CD47: variants seen among roughly 807,000 people sequenced by gnomAD.
CD47 encodes leukocyte surface antigen CD47.
CD47 carries 11 observed loss-of-function variants against 44.6 expected under a neutral mutation model. The observed-to-expected ratio is 0.25, with a 90% confidence interval of 0.16 to 0.41. CD47 has a LOEUF of 0.41. Ranked by LOEUF, CD47 falls within the 10% of genes least tolerant of loss-of-function variation. CD47 has a pLI of 1.00. For synonymous variants in CD47, 140 were observed against 136.3 expected (o/e 1.03, Z -0.19); for missense variants, 306 against 386.7 (o/e 0.79, Z 1.75).
At chr3:108,050,903 G>A in intron 8 of CD47, 1 of 382,838 alleles carries the variant, frequency 2.6e-6, no homozygotes, top group Non-Finnish European at 5.1e-6. Flanking sequence ...GAAAGTGCAA[G>A]CATAAATAGC....
chr3:108,071,952 G>C (rs986643171), intron 2 of CD47, among the ~76,000 whole-genome samples: 4 of 152,196 alleles, frequency 2.6e-5, no homozygotes, highest in Admixed American at 2.0e-4. Flanking sequence ...AGTAAGATGA[G>C]TGGCTTTAGG....
intron 7 of CD47, 67 bp from the exon 8 acceptor site, chr3:108,052,037 T>C (rs988526126): frequency 2.7e-5 from 21 of 784,586 alleles, no homozygotes; most frequent in Non-Finnish European, 4.4e-5. Flanking sequence ...TTGGTAATGT[T>C]TAATTTTAAG....
intron 3 of CD47, among the ~76,000 whole-genome samples, chr3:108,065,877 T>C (rs960999255): frequency 6.8e-6 from 1 of 147,918 alleles, no homozygotes; most frequent in Non-Finnish European, 1.5e-5. Flanking sequence ...CAAAGTCTTA[T>C]TACCAGGGGC....
intron 3 of CD47, among the ~76,000 whole-genome samples, 180 bp downstream of exon 3, chr3:108,070,913 T>G (rs1009342254): frequency 1.3e-5 from 2 of 152,166 alleles, no homozygotes; most frequent in Admixed American, 6.5e-5. Flanking sequence ...AAAAGTGAAC[T>G]GCAGCAAAAT....
intron 1 of CD47, among the ~76,000 whole-genome samples, chr3:108,085,272 G>A (rs987883984): frequency 6.6e-6 from 1 of 152,068 alleles, no homozygotes; most frequent in Non-Finnish European, 1.5e-5. Flanking sequence ...GTGTATAATA[G>A]TTAAGTGCAC....
Position 108,045,629 on chromosome 3 carries a change from T to C in CD47, c.*1659A>G, listed in dbSNP as rs1350523518. Reference sequence around the variant, plus strand: ...CTGAGAGGCCTCAGCAGGTCATAAATTTAGGTTTGCCATGGGCAAACTACT... The same window carrying C: ...CTGAGAGGCCTCAGCAGGTCATAAACTTAGGTTTGCCATGGGCAAACTACT... On this transcript the variant is annotated 3_prime_UTR_variant, in exon 11 of 11. Transcript: ENST00000361309. 1 of 152,534 alleles carries C rather than the reference T, an allele frequency of 6.6e-6. No homozygotes were observed. Among genetic ancestry groups the C allele is most frequent in the African/African-American group, 2.4e-5 (1 of 41,402 alleles). The allele number at this position is 152,534 out of a possible 1,614,324, so 9.4% of individuals were successfully genotyped here.
intron 5 of CD47, 102 bp downstream of exon 5, chr3:108,059,350 T>A: frequency 1.9e-6 from 1 of 530,872 alleles, no homozygotes; most frequent in Non-Finnish European, 3.4e-6. Flanking sequence ...ATAAACCTAC[T>A]CTTATTGAGT....
intron 2 of CD47, among the ~76,000 whole-genome samples, chr3:108,074,425 T>A (rs538944961): frequency 1.8e-3 from 278 of 152,232 alleles, no homozygotes; most frequent in Middle Eastern, 3.4e-3. Flanking sequence ...GCAATTCTCC[T>A]GTCTCAGCCT....
At chr3:108,060,649 C>T in intron 4 of CD47, 96 bp downstream of exon 4, 1 of 773,122 alleles carries the variant, frequency 1.3e-6, no homozygotes, top group Middle Eastern at 2.3e-4. Flanking sequence ...TTGTGGTCAT[C>T]TGTTCCAACA....
chr3:108,059,614 G>T, intron 4 of CD47, 70 bp from the exon 5 acceptor site: 2 of 714,358 alleles, frequency 2.8e-6, no homozygotes, highest in Non-Finnish European at 4.3e-6. Flanking sequence ...TAAATTCTGT[G>T]CTTGACAACT....
chr3:108,089,468 T>A (rs1327438082), intron 1 of CD47, among the ~76,000 whole-genome samples: 3 of 152,338 alleles, frequency 2.0e-5, no homozygotes, highest in African/African-American at 7.2e-5. Flanking sequence ...TTTAGGCAGT[T>A]TGAATAAATG....
intron 7 of CD47, chr3:108,054,570 G>A (rs2078882041): frequency 6.6e-6 from 1 of 152,080 alleles, no homozygotes. Flanking sequence ...TTAACCACAA[G>A]CCTTAAGCAT....
At chr3:108,089,571 G>A (rs1446956983) in intron 1 of CD47, among the ~76,000 whole-genome samples, 5 of 152,082 alleles carry the variant, frequency 3.3e-5, no homozygotes, top group African/African-American at 1.2e-4. Context: ...TATTATTTTA[G>A]CTATAATGAT....
chr3:108,049,506 C>A, intron 10 of CD47, 113 bp downstream of exon 10: 1 of 723,386 alleles, frequency 1.4e-6, no homozygotes, highest in Non-Finnish European at 2.5e-6. Context: ...GAACCTTTAT[C>A]ATCTGACAGT....
At position 108,075,075 on chromosome 3, in the gene CD47, G is replaced by A. The variant is rs148164336; in HGVS notation, c.401-3893C>T. Among the ~76,000 whole-genome samples the A allele has an allele frequency of 1.4e-4, 22 of 152,174 alleles. 1 individual carries two copies. The highest frequency in any genetic ancestry group is 5.3e-4 in the African/African-American group (22 of 41,508). On this transcript the variant is annotated intron_variant, in intron 2 of 10. Coordinates refer to ENST00000361309, the MANE Select transcript of CD47 (RefSeq NM_001777.4). ...AAGAACATAAATTAAGCTTAAAATG[G>A]ACTAAGAACAATGTCAGATATTTTT...
Position 108,090,938 on chromosome 3 carries a change from C to G in CD47, c.-30G>C. 1 of 1,453,592 alleles carries G rather than the reference C, an allele frequency of 6.9e-7. No homozygotes were observed. The highest frequency in any genetic ancestry group is 9.1e-7 in the Non-Finnish European group (1 of 1,102,224). The allele number at this position is 1,453,592 out of a possible 1,614,324, so 90.0% of individuals were successfully genotyped here. On this transcript the variant is annotated 5_prime_UTR_variant, in exon 1 of 11. Coordinates refer to ENST00000361309, the MANE Select transcript of CD47 (RefSeq NM_001777.4). ...GCGCCCGCCGCGGGGTCGCCGCCGC[C>G]GCCGCAGGTGTCCGGAGCAGCAGCC...
At chr3:108,090,817 G>A (rs1396805380) in intron 1 of CD47, 46 bp downstream of exon 1, 1 of 1,456,778 alleles carries the variant, frequency 6.9e-7, no homozygotes, top group Non-Finnish European at 9.0e-7. Context: ...CGCCCGCGGG[G>A]GCGAAGCGAC....
intron 3 of CD47, among the ~76,000 whole-genome samples, chr3:108,063,642 C>CA (rs1224072366): frequency 5.3e-5 from 8 of 151,596 alleles, no homozygotes; most frequent in South Asian, 2.1e-4. Flanking sequence ...TTAAATGCAG[C>CA]AAAAAAAATA....
chr3:108,087,550 T>C (rs1266650002), intron 1 of CD47, among the ~76,000 whole-genome samples: 1 of 152,172 alleles, frequency 6.6e-6, no homozygotes, highest in Non-Finnish European at 1.5e-5. Context: ...TGTCTGAAAT[T>C]TGTCTATATG....
Sources: gnomAD v4.1 joint callset for allele counts (sites outside exome capture counted in the v4.1 genomes callset) on GRCh38, gnomAD v4.1.1 for gene constraint, MANE v1.5 for transcripts, NCBI Gene and HGNC (gene_info 2026-07-23, HGNC 2026-07-21) for gene names.